The following HMBOX1 variants were observed in gnomAD, a reference collection of about 807,000 sequenced individuals.
The protein encoded by HMBOX1 is homeobox-containing protein 1.
In HMBOX1, 14 loss-of-function variants were observed where a neutral mutation model predicts 54.5. The observed-to-expected ratio is 0.26, with a 90% CI of 0.17 to 0.40. The LOEUF is 0.40. Among genes scored for constraint, HMBOX1 ranks in the 10% least tolerant of loss-of-function variants. The pLI is 1.00. For missense variants in HMBOX1, 332 were observed against 514.4 expected (o/e 0.65, Z 3.43); for synonymous variants, 160 against 181.0 (o/e 0.88, Z 0.93).
intron 1 of HMBOX1, among the ~76,000 whole-genome samples, chr8:28,900,291 T>TATA (rs1554519282): frequency 7.0e-6 from 1 of 143,674 alleles, no homozygotes; most frequent in Admixed American, 7.0e-5. Flanking sequence ...TATATATATA[T>TATA]TTTGTTTCCT....
chr8:28,922,338 G>C (rs1364422972), intron 1 of HMBOX1, among the ~76,000 whole-genome samples: 9 of 152,192 alleles, frequency 5.9e-5, no homozygotes, highest in Admixed American at 5.9e-4. Flanking sequence ...AGCATCCATG[G>C]ATTTTGATGT....
intron 4 of HMBOX1, among the ~76,000 whole-genome samples, chr8:28,996,736 G>A (rs113904271): frequency 0.033 from 5,051 of 152,190 alleles, 291 homozygotes; most frequent in African/African-American, 0.11. Flanking sequence ...TATACTTTTA[G>A]CTCTTACATT....
intron 3 of HMBOX1, among the ~76,000 whole-genome samples, chr8:28,973,958 C>T (rs182024338): frequency 8.3e-4 from 126 of 151,556 alleles, no homozygotes; most frequent in African/African-American, 2.8e-3. Context: ...GGGATTACAG[C>T]GTGCACCACC....
At chr8:28,899,366 T>A (rs1371790018) in intron 1 of HMBOX1, among the ~76,000 whole-genome samples, 2 of 152,196 alleles carry the variant, frequency 1.3e-5, no homozygotes, top group Non-Finnish European at 2.9e-5. Context: ...ATCATTAAGA[T>A]CTAGAGACAT....
chr8:29,036,145 G>A (rs1803820946), intron 6 of HMBOX1, among the ~76,000 whole-genome samples: 1 of 152,142 alleles, frequency 6.6e-6, no homozygotes, highest in Non-Finnish European at 1.5e-5. Context: ...ATTGGCAAGT[G>A]GGGTCTAGTG....
At chr8:28,914,520 G>A (rs1585749956) in intron 1 of HMBOX1, among the ~76,000 whole-genome samples, 1 of 152,266 alleles carries the variant, frequency 6.6e-6, no homozygotes, top group Admixed American at 6.5e-5. Context: ...TGCTAGGTAA[G>A]TAAATATCTG....
chr8:28,902,164 G>A (rs572384980), intron 1 of HMBOX1, among the ~76,000 whole-genome samples: 1 of 152,300 alleles, frequency 6.6e-6, no homozygotes, highest in South Asian at 2.1e-4. Flanking sequence ...ACTTGCCGCT[G>A]GTAGGGGGCA....
At chr8:28,949,038 A>G (rs535989704) in intron 1 of HMBOX1, among the ~76,000 whole-genome samples, 3 of 152,352 alleles carry the variant, frequency 2.0e-5, no homozygotes, top group South Asian at 2.1e-4. Context: ...TATTAGTTCT[A>G]TGAGTAAACT....
At chr8:28,987,733 C>T (rs956168041) in intron 4 of HMBOX1, among the ~76,000 whole-genome samples, 1 of 152,144 alleles carries the variant, frequency 6.6e-6, no homozygotes, top group African/African-American at 2.4e-5. Flanking sequence ...GGAACTGATG[C>T]TTGCACTAAC....
intron 1 of HMBOX1, among the ~76,000 whole-genome samples, chr8:28,958,208 C>T (rs1345331139): frequency 6.6e-6 from 1 of 152,208 alleles, no homozygotes; most frequent in Admixed American, 6.5e-5. Flanking sequence ...CTCAAGCAAT[C>T]TTCTTGCCTC....
In HMBOX1 at chr8:28,922,562, C is replaced by G. The variant is rs114096667; in HGVS notation, c.-58+31884C>G. Among the ~76,000 whole-genome samples the G allele has an allele frequency of 5.7e-3, 868 of 152,232 alleles. 4 individuals carry two copies. Among genetic ancestry groups the G allele is most frequent in the African/African-American group, 0.02 (843 of 41,534 alleles). On this transcript the variant is annotated intron_variant, in intron 1 of 9. Coordinates refer to ENST00000287701, the MANE Select transcript of HMBOX1 (RefSeq NM_001135726.3). ...TTTGTGGCTTATCAGTAGTTATTAA[C>G]CTGGGTACCGTTGAAATCTAAAAAT...
chr8:28,940,475 G>A (rs963754005), intron 1 of HMBOX1, among the ~76,000 whole-genome samples: 4 of 152,164 alleles, frequency 2.6e-5, no homozygotes, highest in African/African-American at 9.7e-5. Flanking sequence ...GCATTTATTT[G>A]TATTGTTATT....
chr8:28,939,046 T>C (rs1277608962), intron 1 of HMBOX1, among the ~76,000 whole-genome samples: 1 of 151,866 alleles, frequency 6.6e-6, no homozygotes, highest in Non-Finnish European at 1.5e-5. Flanking sequence ...TCCCAGCCCT[T>C]TGGGAGGCTG....
chr8:28,992,810 C>G (rs1468384548), intron 4 of HMBOX1, among the ~76,000 whole-genome samples: 2 of 130,676 alleles, frequency 1.5e-5, no homozygotes, highest in African/African-American at 2.9e-5. Context: ...GTGGAGGTTG[C>G]AGCGAGCTGA....
chr8:29,006,860 T>G (rs1400979616), intron 4 of HMBOX1, among the ~76,000 whole-genome samples: 1 of 152,220 alleles, frequency 6.6e-6, no homozygotes, highest in Admixed American at 6.5e-5. Context: ...ATATATTTTT[T>G]CTTAACTGAT....
In HMBOX1 at chr8:29,001,547, C is replaced by G. The variant is rs575312025; in HGVS notation, c.587-7525C>G. On this transcript the variant is annotated intron_variant, in intron 4 of 9. Transcript: ENST00000287701. ...CCTCGGTAATAGAGCGAGATTCCATCTCAAACAAAACAAAACAAAACAAAA... is the reference window on the plus strand; with the variant it reads ...CCTCGGTAATAGAGCGAGATTCCATGTCAAACAAAACAAAACAAAACAAAA... 4.1e-3 allele frequency among the ~76,000 whole-genome samples: 494 copies of G among 121,438 alleles called. 2 individuals are homozygous for G. The highest frequency in any genetic ancestry group is 0.015 in the African/African-American group (468 of 32,180). The allele number at this position is 121,438 out of a possible 152,430, so 79.7% of individuals were successfully genotyped here.
chr8:28,909,478 A>G (rs1404466546), intron 1 of HMBOX1, among the ~76,000 whole-genome samples: 1 of 152,224 alleles, frequency 6.6e-6, no homozygotes, highest in Non-Finnish European at 1.5e-5. Context: ...GTAACTAGTC[A>G]TGGACCAGTT....
At chr8:29,036,194 T>C (rs1803832233) in intron 6 of HMBOX1, among the ~76,000 whole-genome samples, 1 of 152,218 alleles carries the variant, frequency 6.6e-6, no homozygotes, top group Non-Finnish European at 1.5e-5. Flanking sequence ...CATTTAAACA[T>C]AGAGTCTTTG....
intron 4 of HMBOX1, among the ~76,000 whole-genome samples, chr8:28,995,978 C>T (rs1426498035): frequency 2.0e-5 from 3 of 151,922 alleles, no homozygotes; most frequent in South Asian, 2.1e-4. Context: ...TGGTGGCAGG[C>T]GCCTTTAGTC....
Sources: allele counts gnomAD v4.1 joint callset (sites outside exome capture counted in the v4.1 genomes callset), GRCh38; gene constraint gnomAD v4.1.1; transcripts MANE v1.5; gene names NCBI Gene and HGNC (gene_info 2026-07-23, HGNC 2026-07-21).